CPHXL: variants seen among roughly 807,000 people sequenced by gnomAD.
The protein encoded by CPHXL is cytoplasmic polyadenylated homeobox like.
At chr16:75,725,753 CTTTTTT>C (rs35659823) in intron 1 of CPHXL, among the ~76,000 whole-genome samples, 36 of 43,316 alleles carry the variant, frequency 8.3e-4, no homozygotes, top group South Asian at 5.2e-3. Context: ...TGCCCGGCGT[CTTTTTT>C]TTTTTTTTTT....
intron 2 of CPHXL, among the ~76,000 whole-genome samples, chr16:75,716,199 A>G (rs75379198): frequency 6.6e-6 from 1 of 152,104 alleles, no homozygotes; most frequent in Non-Finnish European, 1.5e-5. Context: ...GTGTTTTTCC[A>G]CACACCAGGC....
intron 1 of CPHXL, among the ~76,000 whole-genome samples, chr16:75,720,875 G>A (rs1959467503): frequency 1.3e-5 from 2 of 152,202 alleles, no homozygotes; most frequent in South Asian, 4.1e-4. Context: ...TACCCACAAA[G>A]GGAAGCCTAT....
chr16:75,715,708 T>C (rs965032607), intron 2 of CPHXL, among the ~76,000 whole-genome samples: 3 of 152,144 alleles, frequency 2.0e-5, no homozygotes, highest in Non-Finnish European at 2.9e-5. Context: ...TTCACTTTTT[T>C]TTTTTTGGAC....
At chr16:75,723,339 T>C (rs1406162973) in intron 1 of CPHXL, among the ~76,000 whole-genome samples, 2 of 152,280 alleles carry the variant, frequency 1.3e-5, no homozygotes, top group East Asian at 3.9e-4. Context: ...CATGATTGTA[T>C]ATCTAGAAAA....
intron 2 of CPHXL, 50 bp downstream of exon 2, chr16:75,718,215 T>C (rs532691143): frequency 7.0e-4 from 277 of 396,336 alleles, no homozygotes; most frequent in Non-Finnish European, 8.4e-4. Context: ...TGAGACCTTG[T>C]CTAAAAAAAA....
intron 1 of CPHXL, among the ~76,000 whole-genome samples, chr16:75,722,364 C>G (rs544247093): frequency 6.6e-6 from 1 of 151,716 alleles, no homozygotes; most frequent in South Asian, 2.1e-4. Flanking sequence ...GCTAGCAAGA[C>G]TAATAAAGAA....
intron 1 of CPHXL, among the ~76,000 whole-genome samples, chr16:75,723,799 T>C (rs576668421): frequency 4.7e-4 from 72 of 152,226 alleles, no homozygotes; most frequent in Non-Finnish European, 9.3e-4. Flanking sequence ...GCCAAGTCAA[T>C]CCTAAGCCAA....
In CPHXL at chr16:75,718,217, T is replaced by TAA. The variant is rs879648180; in HGVS notation, c.219+46_219+47dup. ...TGTGTGATAGGAGTGAGACCTTGTC[T>TAA]AAAAAAAAAAAAATCTAGGAAATAT... On this transcript the variant is annotated intron_variant, in intron 2 of 2. Coordinates refer to ENST00000640559, the MANE Select transcript of CPHXL (RefSeq NM_001355613.1). 5.7e-4 allele frequency: 196 copies of TAA among 343,324 alleles called. 1 individual carries two copies. The highest frequency in any genetic ancestry group is 3.7e-3 in the African/African-American group (169 of 45,402). The allele number at this position is 343,324 out of a possible 1,614,324, so 21.3% of individuals were successfully genotyped here.
intron 1 of CPHXL, among the ~76,000 whole-genome samples, chr16:75,720,659 AC>A (rs376460780): frequency 4.6e-5 from 7 of 152,360 alleles, no homozygotes; most frequent in African/African-American, 1.7e-4. Context: ...AGAGAATGGA[AC>A]CAAGTTGGAA....
chr16:75,714,645 C>A lies in CPHXL; in HGVS notation c.797G>T (p.Arg266Met). Residue 266 changes from arginine (R) to methionine (M), a missense_variant, in exon 3 of 3, where the codon AGG (arginine) becomes ATG (methionine). Physicochemically the swap from Arg to Met is moderately conservative, Grantham distance 91. Transcript: ENST00000640559. ...ATGCTGGCTTTCCTTGGTTTCAGTC[C>A]TTTCTCCATGAAAATATGGCACAGA... ...PSSVPYFHGERTETKESQHAS... is the reference protein window; with the variant it reads ...PSSVPYFHGEMTETKESQHAS... The A allele has an allele frequency of 2.5e-6, 1 of 398,648 alleles. No individual in the cohort carries two copies. Among genetic ancestry groups the A allele is most frequent in the Non-Finnish European group, 4.4e-6 (1 of 226,094 alleles). The allele number at this position is 398,648 out of a possible 1,614,324, so 24.7% of individuals were successfully genotyped here. A position where few individuals can be genotyped will look rare whatever the true frequency, so the allele number is the denominator to read the frequency against.
intron 1 of CPHXL, among the ~76,000 whole-genome samples, chr16:75,724,928 C>T (rs997713380): frequency 2.0e-5 from 3 of 152,220 alleles, no homozygotes; most frequent in East Asian, 1.9e-4. Flanking sequence ...ATATATACCA[C>T]AGAATACTAT....
At chr16:75,715,592 C>A (rs1959379002) in intron 2 of CPHXL, among the ~76,000 whole-genome samples, 1 of 152,178 alleles carries the variant, frequency 6.6e-6, no homozygotes, top group Non-Finnish European at 1.5e-5. Flanking sequence ...CCCAGCTGTC[C>A]CACCTAGTCA....
At chr16:75,722,309 A>AT (rs2151839843) in intron 1 of CPHXL, among the ~76,000 whole-genome samples, 1 of 152,318 alleles carries the variant, frequency 6.6e-6, no homozygotes, top group South Asian at 2.1e-4. Context: ...AAATCAATGA[A>AT]TCCAGGACCT....
Position 75,714,249 on chromosome 16 carries a change from G to C in CPHXL, c.1193C>G (p.Pro398Arg). 2.5e-6 allele frequency: 1 copy of C among 398,696 alleles called. No homozygotes were observed. The allele number at this position is 398,696 out of a possible 1,614,324, so 24.7% of individuals were successfully genotyped here. The stretch of plus-strand genomic sequence containing the variant: ...TTAAAGTTGCTGCATTTGGGTCCTG[G>C]GTTGCTCTGAAGCCCTTTCCTGCAT... ...QDMQERASEQ[P>R]RTQMQQL Residue 398 changes from proline to arginine, a missense_variant, in exon 3 of 3, where the codon CCC becomes CGC. Pro to Arg is a moderately radical substitution (Grantham distance 103). Transcript: ENST00000640559.
intron 2 of CPHXL, among the ~76,000 whole-genome samples, chr16:75,715,510 C>A (rs979214930): frequency 1.2e-4 from 19 of 152,172 alleles, no homozygotes; most frequent in Admixed American, 1.3e-4. Context: ...TCTCCCCAAC[C>A]TGTTTGTGAC....
chr16:75,722,789 G>C (rs1959496469), intron 1 of CPHXL, among the ~76,000 whole-genome samples: 1 of 152,134 alleles, frequency 6.6e-6, no homozygotes, highest in South Asian at 2.1e-4. Flanking sequence ...GCCTGGCAGA[G>C]ACACAACAAA....
chr16:75,721,595 T>A (rs1959477813), intron 1 of CPHXL, among the ~76,000 whole-genome samples: 1 of 152,164 alleles, frequency 6.6e-6, no homozygotes, highest in Non-Finnish European at 1.5e-5. Context: ...GCACCCAGAT[T>A]CATAAAGCAA....
At position 75,715,177 on chromosome 16, in the gene CPHXL, G is replaced by A. The variant is rs529339396; in HGVS notation, c.265C>T (p.Arg89Cys). 23 of 398,892 alleles carry A rather than the reference G, an allele frequency of 5.8e-5. No individual in the cohort carries two copies. The highest frequency in any genetic ancestry group is 1.6e-4 in the African/African-American group (8 of 48,748). The allele number at this position is 398,892 out of a possible 1,614,324, so 24.7% of individuals were successfully genotyped here. Reference protein sequence around the residue: ...KRARLPPAERRRIFVLQKKHD... With the variant: ...KRARLPPAERCRIFVLQKKHD... ...TTTTTCTGAAGAACAAATATTCTGC[G>A]TCTTTCTGCAGGTGGAAGTCTGGCT... Residue 89 changes from arginine to cysteine, a missense_variant, in exon 3 of 3, where the codon CGC becomes TGC. Arg to Cys is a radical substitution (Grantham distance 180, BLOSUM62 -3). Coordinates refer to ENST00000640559, the MANE Select transcript of CPHXL (RefSeq NM_001355613.1).
At chr16:75,716,252 A>G (rs1218437054) in intron 2 of CPHXL, among the ~76,000 whole-genome samples, 2 of 152,162 alleles carry the variant, frequency 1.3e-5, no homozygotes, top group Non-Finnish European at 2.9e-5. Flanking sequence ...GTGTCCTTCA[A>G]TTCAATTCTG....
Sources: allele counts gnomAD v4.1 joint callset (sites outside exome capture counted in the v4.1 genomes callset), GRCh38; gene constraint gnomAD v4.1.1; transcripts MANE v1.5; gene names NCBI Gene and HGNC (gene_info 2026-07-23, HGNC 2026-07-21).